The following BAG1 variants were observed in gnomAD, a reference collection of about 807,000 sequenced individuals.
The protein encoded by BAG1 is BAG cochaperone 1, also known as BAG family molecular chaperone regulator 1.
Under a neutral mutation model 35.5 loss-of-function variants are expected in BAG1, and 35 were observed. The ratio of observed to expected loss-of-function variants is 0.99; its 90% CI spans 0.75 to 1.31. The LOEUF (loss-of-function observed/expected upper bound fraction) is 1.31, where lower values mean the gene tolerates loss of function less well. Ranked by LOEUF, BAG1 falls within the 50% of genes most tolerant of loss-of-function variation. BAG1 has a pLI of 0.00. For missense variants in BAG1, 464 were observed against 453.6 expected (o/e 1.02, Z -0.21); for synonymous variants, 191 against 178.9 (o/e 1.07, Z -0.54).
chr9:33,261,557 C>T (rs1365324104), intron 2 of BAG1, among the ~76,000 whole-genome samples: 1 of 152,168 alleles, frequency 6.6e-6, no homozygotes, highest in African/African-American at 2.4e-5. Flanking sequence ...ATGCTGATGA[C>T]ACAGTGTTAT....
At chr9:33,262,925 G>T in intron 1 of BAG1, 95 bp from the exon 2 acceptor site, 1 of 1,520,358 alleles carries the variant, frequency 6.6e-7, no homozygotes, top group Non-Finnish European at 8.9e-7. Context: ...AGCCTTCAAG[G>T]CCCAGCTCAT....
In BAG1 at chr9:33,262,741, T is replaced by C; in HGVS notation, c.541A>G (p.Ile181Val). Residue 181 changes from isoleucine to valine, a missense_variant, in exon 2 of 7, where the codon ATA becomes GTA. Ile to Val is a conservative substitution (Grantham distance 29). Coordinates refer to ENST00000634734, the MANE Select transcript of BAG1 (RefSeq NM_004323.6). ...TTCTGAAAAGACTGTGGAACCCCTA[T>C]GACCTCTTCAACAACCTGGGCCAGG... 1 of 1,614,108 alleles carries C rather than the reference T, an allele frequency of 6.2e-7. No homozygotes were observed. The highest frequency in any genetic ancestry group is 8.5e-7 in the Non-Finnish European group (1 of 1,180,010).
intron 3 of BAG1, 127 bp downstream of exon 3, chr9:33,260,960 T>C (rs1454302683): frequency 1.6e-6 from 1 of 642,424 alleles, no homozygotes; most frequent in Non-Finnish European, 2.5e-6. Context: ...ATAAAGATTG[T>C]ATTTGTTTAG....
intron 6 of BAG1, 33 bp downstream of exon 6, chr9:33,255,832 T>C (rs1820441270): frequency 6.3e-7 from 1 of 1,588,376 alleles, no homozygotes. Context: ...CATTAACATA[T>C]TACACCTTGT....
In BAG1 at chr9:33,255,210, T is replaced by A. The variant is rs1215496018; in HGVS notation, c.*9A>T. 6.2e-7 allele frequency: 1 copy of A among 1,614,222 alleles called. No individual in the cohort carries two copies. The highest frequency in any genetic ancestry group is 1.7e-5 in the Admixed American group (1 of 60,030). Reference sequence around the variant, plus strand: ...TCTTCAGGGCAGCACAGCCTTTTTCTGCTACACCTCACTCGGCCAGGGCAA... The same window carrying A: ...TCTTCAGGGCAGCACAGCCTTTTTCAGCTACACCTCACTCGGCCAGGGCAA... On this transcript the variant is annotated 3_prime_UTR_variant, in exon 7 of 7. Coordinates refer to ENST00000634734, the MANE Select transcript of BAG1 (RefSeq NM_004323.6).
chr9:33,260,509 G>A (rs1309747892), intron 3 of BAG1: 1 of 152,152 alleles, frequency 6.6e-6, no homozygotes, highest in East Asian at 1.9e-4. Context: ...CACAATAAGG[G>A]AACTTCATAT....
chr9:33,264,573 C>A lies in BAG1; in HGVS notation c.102G>T (p.Glu34Asp). 1 of 1,419,366 alleles carries A rather than the reference C, an allele frequency of 7.0e-7. No homozygotes were observed. Among genetic ancestry groups the A allele is most frequent in the Non-Finnish European group, 9.1e-7 (1 of 1,095,894 alleles). 87.9% of individuals were successfully genotyped at this position (1,419,366 alleles called of 1,614,324 possible). A position where few individuals can be genotyped will look rare whatever the true frequency, so the allele number is the denominator to read the frequency against. Residue 34 changes from glutamate (E) to aspartate (D), a missense_variant, in exon 1 of 7, where the codon GAG becomes GAT. By Grantham distance (45) the Glu-to-Asp change is conservative. Transcript: ENST00000634734. ...GAGGCGGACCACGCTGGGCCGGGGG[C>A]TCCGACTGGCGCGGCTCCCGGCCTG...
rs1401998321 is a variant in BAG1, at chr9:33,253,378, G to C, written c.*1841C>G. 1.3e-5 allele frequency: 2 copies of C among 152,194 alleles called. No individual in the cohort carries two copies. Among genetic ancestry groups the C allele is most frequent in the Non-Finnish European group, 2.9e-5 (2 of 68,036 alleles). 9.4% of individuals were successfully genotyped at this position (152,194 alleles called of 1,614,324 possible). A position where few individuals can be genotyped will look rare whatever the true frequency, so the allele number is the denominator to read the frequency against. ...CCTCATCTCTAAAATAAGGATATCT[G>C]TCTACCTCTCAAGTTATGTAAGAAT... On this transcript the variant is annotated 3_prime_UTR_variant, in exon 7 of 7. Transcript: ENST00000634734.
chr9:33,261,805 G>T, intron 2 of BAG1: 3 of 866,234 alleles, frequency 3.5e-6, no homozygotes, highest in African/African-American at 1.8e-5. Context: ...TCTCAGGGGG[G>T]TGGGAAGACA....
chr9:33,261,013 C>G, intron 3 of BAG1, 74 bp downstream of exon 3: 1 of 1,320,040 alleles, frequency 7.6e-7, no homozygotes, highest in Non-Finnish European at 1.0e-6. Flanking sequence ...CCAGTTTGGT[C>G]TTCTAAACAG....
Position 33,264,687 on chromosome 9 carries a change from T to G in BAG1, c.-13A>C, listed in dbSNP as rs114257435. Reference sequence around the variant, plus strand: ...CGCGCTGAGCCAGGCCCGCACTTGTTGACCGCCCAGCGATGGAAGCTGAGC... The same window carrying G: ...CGCGCTGAGCCAGGCCCGCACTTGTGGACCGCCCAGCGATGGAAGCTGAGC... On this transcript the variant is annotated 5_prime_UTR_variant, in exon 1 of 7. Transcript: ENST00000634734. 3 of 1,358,012 alleles carry G rather than the reference T, an allele frequency of 2.2e-6. No individual in the cohort carries two copies. The highest frequency in any genetic ancestry group is 2.8e-6 in the Non-Finnish European group (3 of 1,062,396). The allele number at this position is 1,358,012 out of a possible 1,614,324, so 84.1% of individuals were successfully genotyped here. A position where few individuals can be genotyped will look rare whatever the true frequency, so the allele number is the denominator to read the frequency against.
intron 3 of BAG1, chr9:33,260,540 A>C (rs1191980679): frequency 6.6e-6 from 1 of 152,206 alleles, no homozygotes; most frequent in East Asian, 1.9e-4. Flanking sequence ...CTGCTGTGTC[A>C]CAATGCAGGG....
chr9:33,259,255 C>G, intron 3 of BAG1: 1 of 350,960 alleles, frequency 2.8e-6, no homozygotes, highest in Non-Finnish European at 5.4e-6. Flanking sequence ...CCTAGCTACT[C>G]GGGAGGCTGA....
At position 33,252,741 on chromosome 9, in the gene BAG1, G is replaced by A. The variant is rs1820363111; in HGVS notation, c.*2478C>T. ...TAAATGCTGTGAAAGAAATGTATGG[G>A]AAGTCGAGAGAGGATCCCACCTGGG... On this transcript the variant is annotated 3_prime_UTR_variant, in exon 7 of 7. Transcript: ENST00000634734. The A allele has an allele frequency of 1.3e-5, 2 of 152,066 alleles. No individual in the cohort carries two copies. The highest frequency in any genetic ancestry group is 2.9e-5 in the Non-Finnish European group (2 of 68,030). The allele number at this position is 152,066 out of a possible 1,614,324, so 9.4% of individuals were successfully genotyped here. A position where few individuals can be genotyped will look rare whatever the true frequency, so the allele number is the denominator to read the frequency against.
chr9:33,264,605 G>A lies in BAG1; in HGVS notation c.70C>T (p.Leu24Phe), dbSNP rs1163912562. The change falls in exon 1 of 7, where the codon CTT becomes TTT. Residue 24 changes from leucine (L) to phenylalanine (F), a missense_variant. Transcript: ENST00000634734. ...TGGCGCGGCTCCCGGCCTGGCCGAA[G>A]GGCGCGCAGCCGGGAACCCAGCCGC... is the stretch of plus-strand genomic sequence containing the variant. 25 of 1,377,822 alleles carry A rather than the reference G, an allele frequency of 1.8e-5. No individual in the cohort carries two copies. The highest frequency in any genetic ancestry group is 2.3e-5 in the Non-Finnish European group (25 of 1,075,660). The allele number at this position is 1,377,822 out of a possible 1,614,324, so 85.3% of individuals were successfully genotyped here.
intron 3 of BAG1, among the ~76,000 whole-genome samples, 153 bp downstream of exon 3, chr9:33,260,934 T>C (rs1387671111): frequency 6.6e-6 from 1 of 152,180 alleles, no homozygotes; most frequent in African/African-American, 2.4e-5. Context: ...ACAAAACTGG[T>C]AATCCTGTAA....
Position 33,260,937 on chromosome 9 carries a change from T to C in BAG1, c.663+150A>G. 7.2e-6 allele frequency: 4 copies of C among 553,436 alleles called. No homozygotes were observed. The South Asian group carries it at 1.0e-4, about 14-fold the overall frequency. The allele number at this position is 553,436 out of a possible 1,614,324, so 34.3% of individuals were successfully genotyped here. ...GGTATGAGAACAACAAAACTGGTAA[T>C]CCTGTAAAACCAATAAAGATTGTAT... On this transcript the variant is annotated intron_variant, in intron 3 of 6. Transcript: ENST00000634734.
At chr9:33,262,142 T>C (rs1427861119) in intron 2 of BAG1, 1 of 1,289,632 alleles carries the variant, frequency 7.8e-7, no homozygotes, top group Admixed American at 2.3e-5. Context: ...TCATCGAAAA[T>C]GGTGAGATTT....
rs369437844 is a variant in BAG1, at chr9:33,255,324, G to C, written c.949-16C>G. 1 of 1,614,042 alleles carries C rather than the reference G, an allele frequency of 6.2e-7. No homozygotes were observed. Among genetic ancestry groups the C allele is most frequent in the South Asian group, 1.1e-5 (1 of 91,084 alleles). Reference sequence around the variant, plus strand: ...CTAGGAATGCCTAGAAAATACACACGGGGCAGTAAGGGCCCATCCAGGGGT... The same window carrying C: ...CTAGGAATGCCTAGAAAATACACACCGGGCAGTAAGGGCCCATCCAGGGGT... On this transcript the variant is annotated splice_polypyrimidine_tract_variant and intron_variant, in intron 6 of 6. Transcript: ENST00000634734.
Sources: allele counts gnomAD v4.1 joint callset (sites outside exome capture counted in the v4.1 genomes callset), GRCh38; gene constraint gnomAD v4.1.1; transcripts MANE v1.5; gene names NCBI Gene and HGNC (gene_info 2026-07-23, HGNC 2026-07-21).